The following MGAT4C variants were observed in gnomAD, a reference collection of about 807,000 sequenced individuals.
MGAT4C encodes the protein MGAT4 family member C.
In MGAT4C, 19 loss-of-function variants were observed where a neutral mutation model predicts 40.1. The ratio of observed to expected loss-of-function variants is 0.47; its 90% confidence interval spans 0.33 to 0.70. The LOEUF (loss-of-function observed/expected upper bound fraction) is 0.70. Ranked by LOEUF, MGAT4C falls within the 30% of genes least tolerant of loss-of-function variation. The probability of loss-of-function intolerance (pLI) is 0.02; values close to 1 mark genes in which losing one functional copy is unlikely to be tolerated. For missense variants in MGAT4C, 491 were observed against 563.2 expected (o/e 0.87, Z 1.30); for synonymous variants, 181 against 187.1 (o/e 0.97, Z 0.27).
chr12:86,645,654 TA>T (rs1963521716), intron 2 of MGAT4C, among the ~76,000 whole-genome samples: 1 of 151,852 alleles, frequency 6.6e-6, no homozygotes, highest in South Asian at 2.1e-4. Flanking sequence ...ATTTCTCTCA[TA>T]AATCTGTTTT....
intron 1 of MGAT4C, among the ~76,000 whole-genome samples, chr12:86,810,020 A>T (rs1327815156): frequency 6.6e-6 from 1 of 152,062 alleles, no homozygotes; most frequent in Non-Finnish European, 1.5e-5. Flanking sequence ...TCATTAATTT[A>T]AGCCTACTTG....
At chr12:86,700,018 G>A (rs982561864) in intron 2 of MGAT4C, among the ~76,000 whole-genome samples, 1 of 55,572 alleles carries the variant, frequency 1.8e-5, no homozygotes, top group Admixed American at 1.9e-4. Context: ...ATGTTGTTCA[G>A]GGGTCAAATT....
chr12:86,436,602 A>C (rs547116751), intron 2 of MGAT4C, among the ~76,000 whole-genome samples: 19 of 151,776 alleles, frequency 1.3e-4, no homozygotes, highest in Non-Finnish European at 2.7e-4. Context: ...TTATATCATG[A>C]TATAACTAAG....
chr12:86,634,376 T>C (rs527698191), intron 2 of MGAT4C, among the ~76,000 whole-genome samples: 1 of 152,094 alleles, frequency 6.6e-6, no homozygotes, highest in Non-Finnish European at 1.5e-5. Flanking sequence ...TATGGAGTTG[T>C]TTTAAGGTGT....
rs1177392011 is a variant in MGAT4C, at chr12:86,213,318, T to C, written c.-57+42921A>G. Among the ~76,000 whole-genome samples, 25 of 152,188 alleles carry C rather than the reference T, an allele frequency of 1.6e-4. 1 individual carries two copies. Among genetic ancestry groups the C allele is most frequent in the Admixed American group, 1.6e-3 (24 of 15,284 alleles). ...TGTTTCCCAAGAACTGCTGCTGCTC[T>C]TTCTATTCCAGGCCACCCCTACTGA... On this transcript the variant is annotated intron_variant, in intron 1 of 4. Coordinates refer to ENST00000611864, the MANE Select transcript of MGAT4C (RefSeq NM_001351288.2).
At chr12:86,217,197 C>G (rs1206201299) in intron 1 of MGAT4C, among the ~76,000 whole-genome samples, 1 of 151,884 alleles carries the variant, frequency 6.6e-6, no homozygotes, top group Non-Finnish European at 1.5e-5. Context: ...ATTTTTGAGA[C>G]AGGGTCTCAC....
intron 4 of MGAT4C, among the ~76,000 whole-genome samples, chr12:86,307,626 C>T (rs551048753): frequency 1.3e-5 from 2 of 150,518 alleles, no homozygotes; most frequent in South Asian, 2.1e-4. Context: ...ATCTTGCCCA[C>T]ATTTATTTTG....
chr12:86,118,132 C>T (rs571387948), intron 1 of MGAT4C, among the ~76,000 whole-genome samples: 2 of 152,284 alleles, frequency 1.3e-5, no homozygotes, highest in African/African-American at 2.4e-5. Context: ...ATAACATTTT[C>T]TGATTATTTC....
intron 1 of MGAT4C, among the ~76,000 whole-genome samples, chr12:86,178,566 A>G (rs1887750268): frequency 6.6e-6 from 1 of 152,292 alleles, no homozygotes; most frequent in Admixed American, 6.5e-5. Flanking sequence ...TTTGTAGTTA[A>G]GTAAGTCTGC....
At chr12:86,186,786 T>A (rs574413128) in intron 1 of MGAT4C, among the ~76,000 whole-genome samples, 1 of 152,200 alleles carries the variant, frequency 6.6e-6, no homozygotes, top group South Asian at 2.1e-4. Context: ...CTTTCCTGTG[T>A]TCGTAAGACC....
chr12:86,077,490 G>A (rs1422778429), intron 1 of MGAT4C, among the ~76,000 whole-genome samples: 1 of 152,172 alleles, frequency 6.6e-6, no homozygotes, highest in Non-Finnish European at 1.5e-5. Flanking sequence ...TTAACAAAAG[G>A]AGTAGGAAAT....
intron 3 of MGAT4C, among the ~76,000 whole-genome samples, chr12:86,373,286 C>T (rs1955757275): frequency 6.6e-6 from 1 of 151,922 alleles, no homozygotes; most frequent in African/African-American, 2.4e-5. Context: ...TAAATATGCT[C>T]AACCCTTTAA....
rs578022455 is a variant in MGAT4C at position 86,783,281 on chromosome 12, T to C, written c.-262+55385A>G. On this transcript the variant is annotated intron_variant, in intron 1 of 7. Transcript: ENST00000548651. ...ATTAAACCCAGAAGGAGTTACATAA[T>C]TAAAGAAAGTTTGATTGACAAAGGG... Among the ~76,000 whole-genome samples, 104 of 152,194 alleles carry C rather than the reference T, an allele frequency of 6.8e-4. 3 individuals carry two copies. Among genetic ancestry groups the C allele is most frequent in the Admixed American group, 1.9e-3 (29 of 15,296 alleles).
intron 4 of MGAT4C, among the ~76,000 whole-genome samples, chr12:86,324,873 A>G (rs1954489166): frequency 6.6e-6 from 1 of 152,102 alleles, no homozygotes; most frequent in Non-Finnish European, 1.5e-5. Context: ...TCTAATGACA[A>G]TTGTTTGTTT....
At chr12:86,002,762 G>A (rs1032213484) in intron 2 of MGAT4C, among the ~76,000 whole-genome samples, 4 of 150,370 alleles carry the variant, frequency 2.7e-5, no homozygotes, top group African/African-American at 9.8e-5. Flanking sequence ...TAATATATAT[G>A]AGATTTATCT....
chr12:86,598,813 A>G (rs918437771), intron 2 of MGAT4C, among the ~76,000 whole-genome samples: 1 of 152,188 alleles, frequency 6.6e-6, no homozygotes, highest in Non-Finnish European at 1.5e-5. Flanking sequence ...TCTTGGAGGC[A>G]AAAGTCTTCT....
At chr12:86,096,237 G>A (rs180743419) in intron 1 of MGAT4C, among the ~76,000 whole-genome samples, 2 of 151,762 alleles carry the variant, frequency 1.3e-5, no homozygotes, top group East Asian at 3.9e-4. Flanking sequence ...TAGAACTGGT[G>A]TTATTTCTGG....
intron 1 of MGAT4C, among the ~76,000 whole-genome samples, chr12:86,737,324 G>A (rs532635559): frequency 6.3e-5 from 9 of 143,078 alleles, no homozygotes; most frequent in African/African-American, 2.3e-4. Flanking sequence ...CCATTGATGA[G>A]TCTAGCCAAC....
At chr12:86,051,067 G>A (rs1274984823) in intron 1 of MGAT4C, among the ~76,000 whole-genome samples, 2 of 151,962 alleles carry the variant, frequency 1.3e-5, no homozygotes, top group African/African-American at 4.8e-5. Context: ...ACAGCAAGGT[G>A]TTTGGTTTAT....
Sources: gnomAD v4.1 joint callset for allele counts (sites outside exome capture counted in the v4.1 genomes callset) on GRCh38, gnomAD v4.1.1 for gene constraint, MANE v1.5 for transcripts, NCBI Gene and HGNC (gene_info 2026-07-23, HGNC 2026-07-21) for gene names.